Variants in ADARB2 observed in about 807,000 individuals in gnomAD.
ADARB2 encodes adenosine deaminase RNA specific B2 (inactive).
In ADARB2, 25 loss-of-function variants were observed where a neutral mutation model predicts 62.2. The ratio of observed to expected loss-of-function variants is 0.40; its 90% CI spans 0.29 to 0.56. ADARB2 has a LOEUF of 0.56. Ranked by LOEUF, ADARB2 falls within the 20% of genes least tolerant of loss-of-function variation. The pLI is 0.43. For missense variants in ADARB2, 1,071 were observed against 1,077.4 expected (o/e 0.99, Z 0.08); for synonymous variants, 572 against 500.8 (o/e 1.14, Z -1.90).
intron 1 of ADARB2, among the ~76,000 whole-genome samples, chr10:1,654,315 G>A (rs4303163): frequency 0.7 from 106,544 of 151,986 alleles, 37,360 homozygotes; most frequent in East Asian, 0.75. Flanking sequence ...CGCCTCCCCC[G>A]AGGGTCTTAG....
chr10:1,505,700 G>A lies in ADARB2; in HGVS notation c.101-126540C>T, dbSNP rs113115415. 1.2e-3 allele frequency among the ~76,000 whole-genome samples: 131 copies of A among 112,438 alleles called. 1 individual carries two copies. Among genetic ancestry groups the A allele is most frequent in the South Asian group, 2.2e-3 (8 of 3,688 alleles). 73.8% of individuals were successfully genotyped at this position (112,438 alleles called of 152,430 possible). On this transcript the variant is annotated intron_variant, in intron 1 of 9. Coordinates refer to ENST00000381312, the MANE Select transcript of ADARB2 (RefSeq NM_018702.4). Reference sequence around the variant, plus strand: ...TGGTTCTGCCACTTCCGTCCCCACCGTGGCAGCCGCCTCCCCATGCCCGTG... The same window carrying A: ...TGGTTCTGCCACTTCCGTCCCCACCATGGCAGCCGCCTCCCCATGCCCGTG...
At chr10:1,272,662 G>A (rs1252753476) in intron 3 of ADARB2, among the ~76,000 whole-genome samples, 3 of 152,184 alleles carry the variant, frequency 2.0e-5, no homozygotes, top group African/African-American at 4.8e-5. Context: ...AAGGCACCCC[G>A]ACCTTTCAGG....
chr10:1,729,802 A>T (rs1282097221), intron 1 of ADARB2, among the ~76,000 whole-genome samples: 1 of 152,190 alleles, frequency 6.6e-6, no homozygotes, highest in African/African-American at 2.4e-5. Context: ...AGGAGGCTCC[A>T]GTTTCTGAGA....
At chr10:1,271,094 C>T in intron 3 of ADARB2, 25 bp from the exon 4 acceptor site, 1 of 1,600,264 alleles carries the variant, frequency 6.2e-7, no homozygotes, top group Non-Finnish European at 8.6e-7. Context: ...CACAGGCCTC[C>T]ACGTTGGGCT....
At chr10:1,623,530 T>TA (rs1156707317) in intron 1 of ADARB2, among the ~76,000 whole-genome samples, 2 of 152,216 alleles carry the variant, frequency 1.3e-5, no homozygotes, top group African/African-American at 4.8e-5. Flanking sequence ...TCACTACCCA[T>TA]AGAATTCCAT....
chr10:1,262,036 G>T (rs1418291503), intron 4 of ADARB2, among the ~76,000 whole-genome samples: 2 of 146,104 alleles, frequency 1.4e-5, no homozygotes, highest in Non-Finnish European at 3.0e-5. Flanking sequence ...GTAAACTATC[G>T]CAAGAACAAA....
chr10:1,473,489 C>T lies in ADARB2; in HGVS notation c.101-94329G>A, dbSNP rs545378923. Among the ~76,000 whole-genome samples, 8 of 152,224 alleles carry T rather than the reference C, an allele frequency of 5.3e-5. No homozygotes were observed. In the East Asian group the frequency reaches 1.5e-3, roughly 29 times the overall value. On this transcript the variant is annotated intron_variant, in intron 1 of 9. Coordinates refer to ENST00000381312, the MANE Select transcript of ADARB2 (RefSeq NM_018702.4). ...TCACTTCCCGGGCTCAAGGGATTCT[C>T]CTGCCTCAGCCTCCTGAGAAGCTGG...
chr10:1,709,695 A>G (rs1834928808), intron 1 of ADARB2, among the ~76,000 whole-genome samples: 1 of 152,182 alleles, frequency 6.6e-6, no homozygotes, highest in Non-Finnish European at 1.5e-5. Context: ...GAGAGTTCCA[A>G]TGATGCTTCC....
At chr10:1,335,279 A>G (rs373972556) in intron 3 of ADARB2, among the ~76,000 whole-genome samples, 1 of 144,994 alleles carries the variant, frequency 6.9e-6, no homozygotes, top group South Asian at 2.2e-4. Flanking sequence ...TGGAGGAAAG[A>G]ATGGAGGAAT....
At chr10:1,656,499 GGGGAAAGAGAGAGA>G (rs1447681490) in intron 1 of ADARB2, among the ~76,000 whole-genome samples, 1 of 151,732 alleles carries the variant, frequency 6.6e-6, no homozygotes, top group East Asian at 1.9e-4. Context: ...TGAGAGGTTG[GGGGAAAGAGAGAGA>G]GGGAAAGAGA....
At chr10:1,258,887 A>G (rs1057095843) in intron 4 of ADARB2, among the ~76,000 whole-genome samples, 2 of 152,228 alleles carry the variant, frequency 1.3e-5, no homozygotes, top group African/African-American at 2.4e-5. Flanking sequence ...AAAATTGACC[A>G]CATAGTTGGA....
In ADARB2 at chr10:1,433,259, G is replaced by T. The variant is rs571727502; in HGVS notation, c.101-54099C>A. Among the ~76,000 whole-genome samples the T allele has an allele frequency of 3.3e-5, 5 of 152,272 alleles. No homozygotes were observed. The East Asian group carries it at 9.6e-4, about 29-fold the overall frequency. ...GCAGCTGGTGTGAAATGAGGGCTGGGGTCTCTCGTGTGTGCCCAGGACATC... is the reference window on the plus strand; with the variant it reads ...GCAGCTGGTGTGAAATGAGGGCTGGTGTCTCTCGTGTGTGCCCAGGACATC... On this transcript the variant is annotated intron_variant, in intron 1 of 9. Coordinates refer to ENST00000381312, the MANE Select transcript of ADARB2 (RefSeq NM_018702.4).
chr10:1,218,467 G>A (rs559716361), intron 6 of ADARB2, among the ~76,000 whole-genome samples: 97 of 152,314 alleles, frequency 6.4e-4, no homozygotes, highest in African/African-American at 2.1e-3. Flanking sequence ...ATATGATAAC[G>A]TAAGTGAATA....
intron 1 of ADARB2, among the ~76,000 whole-genome samples, chr10:1,451,373 G>A (rs922934890): frequency 1.3e-5 from 2 of 152,226 alleles, no homozygotes; most frequent in African/African-American, 4.8e-5. Context: ...TTTGCACCTG[G>A]CGGTGCTGCC....
intron 1 of ADARB2, among the ~76,000 whole-genome samples, chr10:1,617,988 T>TC (rs1197525244): frequency 6.6e-6 from 1 of 152,248 alleles, no homozygotes; most frequent in African/African-American, 2.4e-5. Flanking sequence ...TCCACTTTTT[T>TC]CCCCTAAGGC....
chr10:1,503,904 AG>A (rs1831800325), intron 1 of ADARB2, among the ~76,000 whole-genome samples: 1 of 152,138 alleles, frequency 6.6e-6, no homozygotes, highest in Admixed American at 6.5e-5. Flanking sequence ...AGCAGATGCC[AG>A]CTTCACGCTT....
chr10:1,187,854 G>GAGACACATGGGACACA, intron 8 of ADARB2: 1 of 438,978 alleles, frequency 2.3e-6, no homozygotes, highest in South Asian at 1.6e-5. Context: ...TCACCAGGGT[G>GAGACACATGGGACACA]TGGTCCCATG....
At chr10:1,209,232 G>A (rs1837109253) in intron 7 of ADARB2, among the ~76,000 whole-genome samples, 1 of 151,604 alleles carries the variant, frequency 6.6e-6, no homozygotes, top group Non-Finnish European at 1.5e-5. Flanking sequence ...TCAGCCCTTA[G>A]GTGTGGGGAT....
At chr10:1,227,114 C>G (rs867986949) in intron 6 of ADARB2, among the ~76,000 whole-genome samples, 2 of 152,244 alleles carry the variant, frequency 1.3e-5, no homozygotes, top group Non-Finnish European at 1.5e-5. Context: ...ATGGCGGGCG[C>G]CCCTCCCCCA....
Sources: allele counts gnomAD v4.1 joint callset (sites outside exome capture counted in the v4.1 genomes callset), GRCh38; gene constraint gnomAD v4.1.1; transcripts MANE v1.5; gene names NCBI Gene and HGNC (gene_info 2026-07-23, HGNC 2026-07-21).